BICC1: variants seen among roughly 807,000 people sequenced by gnomAD.
The protein encoded by BICC1 is BicC family RNA binding protein 1, also known as protein bicaudal C homolog 1.
Under a neutral mutation model 111.0 loss-of-function variants are expected in BICC1, and 43 were observed. The ratio of observed to expected loss-of-function variants is 0.39; its 90% CI spans 0.30 to 0.50. The LOEUF is 0.50. BICC1 is among the 20% of genes least tolerant of loss of function. The probability of loss-of-function intolerance (pLI) is 0.88; values close to 1 mark genes in which losing one functional copy is unlikely to be tolerated. For synonymous variants in BICC1, 467 were observed against 434.4 expected, an observed-to-expected ratio of 1.07 and a Z score of -0.93; for missense variants, 1,091 against 1,203.2, an observed-to-expected ratio of 0.91 and a Z score of 1.38.
At chr10:58,602,284 G>C (rs1009062530) in intron 1 of BICC1, among the ~76,000 whole-genome samples, 2 of 152,122 alleles carry the variant, frequency 1.3e-5, no homozygotes, top group African/African-American at 4.8e-5. Flanking sequence ...TAAGAATAAA[G>C]TTATGGCTTA....
At chr10:58,611,134 G>GTTA (rs1380188421) in intron 1 of BICC1, among the ~76,000 whole-genome samples, 19 of 152,324 alleles carry the variant, frequency 1.2e-4, no homozygotes, top group Admixed American at 8.5e-4. Flanking sequence ...AAATAATGCT[G>GTTA]TGACAGACCA....
chr10:58,642,159 G>A (rs1335796761), intron 2 of BICC1, among the ~76,000 whole-genome samples: 3 of 152,168 alleles, frequency 2.0e-5, no homozygotes, highest in Admixed American at 6.5e-5. Context: ...TAATTGGTAA[G>A]TGCTGAATAC....
chr10:58,751,558 A>T (rs1841991714), intron 3 of BICC1, among the ~76,000 whole-genome samples: 2 of 152,124 alleles, frequency 1.3e-5, no homozygotes, highest in Non-Finnish European at 2.9e-5. Flanking sequence ...TGTGTTAGGG[A>T]TGTCTAACTT....
At chr10:58,646,064 C>CTT (rs61143812) in intron 2 of BICC1, among the ~76,000 whole-genome samples, 83 of 143,072 alleles carry the variant, frequency 5.8e-4, no homozygotes, top group African/African-American at 1.7e-3. Context: ...ATTTGCAATG[C>CTT]TTTTTTTTTT....
intron 3 of BICC1, among the ~76,000 whole-genome samples, chr10:58,763,706 A>G (rs1842381150): frequency 6.6e-6 from 1 of 152,058 alleles, no homozygotes; most frequent in Admixed American, 6.6e-5. Flanking sequence ...ACCACCCAGA[A>G]AAGAGAGAAG....
In BICC1 at chr10:58,769,404, G is replaced by GTGTGTA. The variant is rs1050060686; in HGVS notation, c.308-15596_308-15595insGTGTAT. Among the ~76,000 whole-genome samples, 692 of 109,706 alleles carry GTGTGTA rather than the reference G, an allele frequency of 6.3e-3. 8 individuals are homozygous for GTGTGTA. Among genetic ancestry groups the GTGTGTA allele is most frequent in the African/African-American group, 0.021 (647 of 31,352 alleles). The allele number at this position is 109,706 out of a possible 152,430, so 72.0% of individuals were successfully genotyped here. The stretch of plus-strand genomic sequence containing the variant: ...TGTGTGTGTGTGTGTGTGTGTGTGT[G>GTGTGTA]TATATATATATATATATATATAATC... On this transcript the variant is annotated intron_variant, in intron 3 of 20. Transcript: ENST00000373886.
intron 12 of BICC1, 50 bp from the exon 13 acceptor site, chr10:58,800,144 T>C: frequency 7.1e-7 from 1 of 1,415,948 alleles, no homozygotes. Flanking sequence ...GATTTGACTC[T>C]CTGTAAAATT....
rs770909756 is a variant in BICC1, at chr10:58,803,066, T to G, written c.2016-11T>G. 14 of 1,581,156 alleles carry G rather than the reference T, an allele frequency of 8.9e-6. No homozygotes were observed. Among genetic ancestry groups the G allele is most frequent in the Non-Finnish European group, 7.7e-6 (9 of 1,164,130 alleles). Reference sequence around the variant, plus strand: ...TAGTGGAGTGTTAAATTCCACACTCTTATTTCACAGCAGCACTGACAGGTT... The same window carrying G: ...TAGTGGAGTGTTAAATTCCACACTCGTATTTCACAGCAGCACTGACAGGTT... On this transcript the variant is annotated splice_polypyrimidine_tract_variant and intron_variant, in intron 14 of 20. Transcript: ENST00000373886.
chr10:58,513,268 A>C lies in BICC1; in HGVS notation c.125A>C (p.His42Pro). ...GACTTGGTCGCCGGGGCGACCCTGC[A>C]CAGCCCGGAGTGGAGCGAGGAGCGC... ...EDDLVAGATL[H>P]SPEWSEERFR... Residue 42 changes from histidine (H) to proline (P), a missense_variant, in exon 1 of 21, where the codon CAC becomes CCC. By Grantham distance (77) the His-to-Pro change is moderately conservative. Around this residue, in one of 3 missense-constraint regions of BICC1, gnomAD observed 843 missense variants for 900.8 expected, o/e 0.94. Transcript: ENST00000373886. 2 of 1,613,096 alleles carry C rather than the reference A, an allele frequency of 1.2e-6. No homozygotes were observed. The highest frequency in any genetic ancestry group is 1.7e-6 in the Non-Finnish European group (2 of 1,179,560).
intron 1 of BICC1, among the ~76,000 whole-genome samples, chr10:58,600,697 C>G (rs549663475): frequency 6.6e-6 from 1 of 152,212 alleles, no homozygotes; most frequent in African/African-American, 2.4e-5. Context: ...GACCAACTCT[C>G]TTCTTCTGCC....
At chr10:58,707,121 TCCTC>T (rs1840408095) in intron 3 of BICC1, among the ~76,000 whole-genome samples, 1 of 152,198 alleles carries the variant, frequency 6.6e-6, no homozygotes, top group Admixed American at 6.5e-5. Context: ...GCCATTCTCT[TCCTC>T]CCAGAATCAA....
intron 3 of BICC1, among the ~76,000 whole-genome samples, chr10:58,708,055 G>A (rs1840449832): frequency 7.0e-6 from 1 of 143,398 alleles, no homozygotes; most frequent in Non-Finnish European, 1.5e-5. Context: ...TGTTGGCCAG[G>A]CTGGTCGTGA....
At chr10:58,632,337 T>C (rs1837818829) in intron 2 of BICC1, among the ~76,000 whole-genome samples, 1 of 152,140 alleles carries the variant, frequency 6.6e-6, no homozygotes, top group African/African-American at 2.4e-5. Context: ...TCATGAGACA[T>C]TATTGCCCTC....
At chr10:58,647,584 C>A (rs1838307435) in intron 2 of BICC1, among the ~76,000 whole-genome samples, 1 of 152,122 alleles carries the variant, frequency 6.6e-6, no homozygotes, top group Admixed American at 6.5e-5. Flanking sequence ...TTTTTCCACA[C>A]TCCTAAAAAC....
At chr10:58,572,714 G>C (rs1305718007) in intron 1 of BICC1, among the ~76,000 whole-genome samples, 1 of 152,032 alleles carries the variant, frequency 6.6e-6, no homozygotes, top group East Asian at 1.9e-4. Context: ...ATATCTATAT[G>C]TGAATATATA....
At chr10:58,684,766 T>A (rs1839658298) in intron 2 of BICC1, among the ~76,000 whole-genome samples, 1 of 152,212 alleles carries the variant, frequency 6.6e-6, no homozygotes, top group African/African-American at 2.4e-5. Context: ...TCTTCTCTCT[T>A]CTTTATTAGT....
At chr10:58,796,067 T>C (rs1171721329) in intron 9 of BICC1, among the ~76,000 whole-genome samples, 1 of 152,160 alleles carries the variant, frequency 6.6e-6, no homozygotes, top group Non-Finnish European at 1.5e-5. Context: ...CTATAAGGTT[T>C]TGCTGAGAAT....
chr10:58,581,638 G>A (rs10763556), intron 1 of BICC1, among the ~76,000 whole-genome samples: 70,262 of 151,822 alleles, frequency 0.46, 17,294 homozygotes, highest in Admixed American at 0.63. Flanking sequence ...CAACATTAAC[G>A]ATCCACGTGT....
intron 2 of BICC1, among the ~76,000 whole-genome samples, chr10:58,624,506 A>G (rs1471795564): frequency 3.3e-5 from 5 of 152,108 alleles, no homozygotes; most frequent in Non-Finnish European, 7.4e-5. Flanking sequence ...TTTTTTAATC[A>G]CAAGTCATTT....
Sources: gnomAD v4.1 joint callset for allele counts (sites outside exome capture counted in the v4.1 genomes callset) on GRCh38, gnomAD v4.1.1 for gene constraint, gnomAD v4.1.1 regional missense constraint, MANE v1.5 for transcripts, NCBI Gene and HGNC (gene_info 2026-07-23, HGNC 2026-07-21) for gene names.